NF1: variants seen among roughly 807,000 people sequenced by gnomAD.
NF1 encodes the protein neurofibromin.
In NF1, 122 loss-of-function variants were observed where a neutral mutation model predicts 325.7. That is an observed-to-expected ratio of 0.37 (90% confidence interval 0.32 to 0.44). The LOEUF (loss-of-function observed/expected upper bound fraction) is 0.44. Among genes scored for constraint, NF1 ranks in the 20% least tolerant of loss-of-function variants. NF1 has a pLI of 1.00. For synonymous variants in NF1, 1,091 were observed against 1,186.0 expected, an observed-to-expected ratio of 0.92 and a Z score of 1.65; for missense variants, 2,140 against 3,415.4, an observed-to-expected ratio of 0.63 and a Z score of 9.31.
intron 5 of NF1, among the ~76,000 whole-genome samples, chr17:31,180,852 G>A (rs1404580655): frequency 6.6e-6 from 1 of 152,144 alleles, no homozygotes; most frequent in Non-Finnish European, 1.5e-5. Flanking sequence ...AAACCCCATC[G>A]TCTCAGCCCA....
At chr17:31,231,931 G>T (rs1420969232) in intron 24 of NF1, 142 bp from the exon 25 acceptor site, 2 of 589,014 alleles carry the variant, frequency 3.4e-6, no homozygotes. Context: ...AAATTATTTG[G>T]GTTGTGCTAA....
rs1424931932 is a variant in NF1 at position 31,261,837 on chromosome 17, G to A, written c.4704G>A (p.Lys1568=). ...HWSSLNLTSS[K]FEEFMTRHQV... Reference sequence around the variant, plus strand: ...CCAGCCTTAACCTTACCAGTTCAAAGTTTGAGGAATTTATGACTAGGTAAA... The same window carrying A: ...CCAGCCTTAACCTTACCAGTTCAAAATTTGAGGAATTTATGACTAGGTAAA... Residue 1568 remains lysine, a synonymous_variant, in exon 35 of 58, where the codon AAG becomes AAA. Transcript: ENST00000358273. The A allele has an allele frequency of 6.2e-7, 1 of 1,613,004 alleles. No homozygotes were observed. Among genetic ancestry groups the A allele is most frequent in the Admixed American group, 1.7e-5 (1 of 60,018 alleles).
chr17:31,304,972 G>C (rs750226706), intron 36 of NF1: 4 of 1,614,132 alleles, frequency 2.5e-6, no homozygotes, highest in Non-Finnish European at 3.4e-6. Flanking sequence ...CAACATAGAA[G>C]TCAGAAGTAC....
At chr17:31,347,431 C>T (rs1303826154) in intron 48 of NF1, among the ~76,000 whole-genome samples, 2 of 151,872 alleles carry the variant, frequency 1.3e-5, no homozygotes, top group Non-Finnish European at 2.9e-5. Flanking sequence ...TATGGGGTGG[C>T]CATAAAGTCT....
chr17:31,216,381 A>G (rs2066820100), intron 13 of NF1, among the ~76,000 whole-genome samples: 1 of 152,228 alleles, frequency 6.6e-6, no homozygotes, highest in African/African-American at 2.4e-5. Context: ...AACCATAAGT[A>G]CATTAAAATA....
chr17:31,155,904 T>G (rs1391681540), intron 1 of NF1, 79 bp from the exon 2 acceptor site: 7 of 1,524,642 alleles, frequency 4.6e-6, no homozygotes, highest in Non-Finnish European at 6.2e-6. Context: ...AACGTCATGA[T>G]TTTCAATGGC....
intron 54 of NF1, chr17:31,357,798 A>G (rs2070309914): frequency 5.1e-6 from 1 of 197,456 alleles, no homozygotes; most frequent in Non-Finnish European, 1.0e-5. Flanking sequence ...TATTAACCTC[A>G]AAGTGTTCAA....
chr17:31,237,022 G>A (rs2067215554), intron 29 of NF1, among the ~76,000 whole-genome samples: 1 of 152,070 alleles, frequency 6.6e-6, no homozygotes, highest in African/African-American at 2.4e-5. Flanking sequence ...AATATCTTAT[G>A]CTTGCTTTTT....
intron 57 of NF1, chr17:31,367,108 G>A (rs2070539058): frequency 2.5e-6 from 1 of 404,086 alleles, no homozygotes; most frequent in South Asian, 2.9e-5. Flanking sequence ...ATTAAAACCA[G>A]ATTCCTTCTG....
In NF1 at chr17:31,177,058, T is replaced by A. The variant is rs147639665; in HGVS notation, c.587-4364T>A. On this transcript the variant is annotated intron_variant, in intron 5 of 57. Coordinates refer to ENST00000358273, the MANE Select transcript of NF1 (RefSeq NM_001042492.3). ...TCTGTGAAGAAAGTCAGTGGTAGTTTGATGGGGATAGCATTGAATCTATAA... is the reference window on the plus strand; with the variant it reads ...TCTGTGAAGAAAGTCAGTGGTAGTTAGATGGGGATAGCATTGAATCTATAA... 7.9e-5 allele frequency among the ~76,000 whole-genome samples: 12 copies of A among 152,330 alleles called. No individual in the cohort carries two copies. The East Asian group carries it at 2.3e-3, about 29-fold the overall frequency.
intron 51 of NF1, among the ~76,000 whole-genome samples, chr17:31,354,445 A>T (rs961942904): frequency 3.9e-5 from 6 of 152,166 alleles, no homozygotes; most frequent in Non-Finnish European, 8.8e-5. Context: ...ATGAGATGAG[A>T]AGAAGGACTA....
chr17:31,264,892 C>T (rs980917134), intron 35 of NF1, among the ~76,000 whole-genome samples: 1 of 152,066 alleles, frequency 6.6e-6, no homozygotes, highest in Admixed American at 6.5e-5. Flanking sequence ...CCTTTTTCAT[C>T]CATTCAAAAT....
rs138420762 is a variant in NF1 at position 31,140,226 on chromosome 17, T to G, written c.61-15757T>G. Among the ~76,000 whole-genome samples the G allele has an allele frequency of 9.3e-4, 142 of 152,294 alleles. 3 individuals carry two copies. The East Asian group carries it at 0.027, about 29-fold the overall frequency. On this transcript the variant is annotated intron_variant, in intron 1 of 57. Transcript: ENST00000358273. ...TGTAGGAGAGGTCAAGGAAGCTTACTGCTGTGGGGTTCAGGATGGCATCTC... is the reference window on the plus strand; with the variant it reads ...TGTAGGAGAGGTCAAGGAAGCTTACGGCTGTGGGGTTCAGGATGGCATCTC...
intron 36 of NF1, among the ~76,000 whole-genome samples, chr17:31,280,529 A>G (rs1352289234): frequency 6.6e-6 from 1 of 151,152 alleles, no homozygotes. Context: ...AAAAAAAAAA[A>G]AAAAAAAAAA....
Position 31,372,371 on chromosome 17 carries a change from C to G in NF1, c.8378-1642C>G, listed in dbSNP as rs895194926. ...TTTTGATACAAATTACTAAAACGTT[C>G]TGCAGCTGTTTGCTTTCCCGCCAAA... On this transcript the variant is annotated intron_variant, in intron 57 of 57. Coordinates refer to ENST00000358273, the MANE Select transcript of NF1 (RefSeq NM_001042492.3). Among the ~76,000 whole-genome samples the G allele has an allele frequency of 2.6e-5, 4 of 152,162 alleles. No individual in the cohort carries two copies. In the South Asian group the frequency reaches 8.3e-4, roughly 31 times the overall value.
intron 1 of NF1, chr17:31,133,655 G>A (rs7214792): frequency 0.54 from 81,671 of 152,000 alleles, 25,799 homozygotes; most frequent in Middle Eastern, 0.76. Flanking sequence ...GTTATTTTGT[G>A]TCTTTTTTTT....
At chr17:31,268,858 C>A (rs1454160864) in intron 36 of NF1, among the ~76,000 whole-genome samples, 2 of 151,850 alleles carry the variant, frequency 1.3e-5, no homozygotes, top group Admixed American at 6.6e-5. Context: ...GCCACCACAG[C>A]TGGCTAATTT....
chr17:31,148,484 A>G (rs1916728106), intron 1 of NF1, among the ~76,000 whole-genome samples: 1 of 151,430 alleles, frequency 6.6e-6, no homozygotes, highest in African/African-American at 2.4e-5. Context: ...GTTCAAGATT[A>G]CAACTGAGTG....
At chr17:31,225,285 A>T (rs2144028564) in intron 17 of NF1, 35 bp downstream of exon 17, 1 of 1,608,708 alleles carries the variant, frequency 6.2e-7, no homozygotes, top group South Asian at 1.1e-5. Context: ...GTATCATTTT[A>T]TGTGCTCTGT....
Sources: allele counts gnomAD v4.1 joint callset (sites outside exome capture counted in the v4.1 genomes callset), GRCh38; gene constraint gnomAD v4.1.1; transcripts MANE v1.5; gene names NCBI Gene and HGNC (gene_info 2026-07-23, HGNC 2026-07-21).